SYNE1: variants seen among roughly 807,000 people sequenced by gnomAD.
SYNE1 encodes nesprin-1.
SYNE1 carries 616 observed loss-of-function variants against 1,111.0 expected under a neutral mutation model. The observed-to-expected ratio is 0.55, with a 90% CI of 0.52 to 0.59. The LOEUF (loss-of-function observed/expected upper bound fraction) is 0.59. SYNE1 is among the 20% of genes least tolerant of loss of function. The pLI is 0.00. For missense variants in SYNE1, 10,006 were observed against 10,417.0 expected, an observed-to-expected ratio of 0.96 and a Z score of 1.72; for synonymous variants, 3,855 against 3,825.8, an observed-to-expected ratio of 1.01 and a Z score of -0.28.
chr6:152,387,266 C>T lies in SYNE1; in HGVS notation c.8293G>A (p.Gly2765Ser), dbSNP rs889695296. The change falls in exon 54 of 146, where the codon GGT becomes AGT. Residue 2765 changes from glycine to serine, a missense_variant. Transcript: ENST00000367255. ...AGCAGGACGAACTTCTCTTTCAGAC[C>T]TGGCTGTGGTTGTAAGGGATGTTCT... Reference protein sequence around the residue: ...KIEHPLQPQPGLKEKFVLLDH... With the variant: ...KIEHPLQPQPSLKEKFVLLDH... 6.2e-7 allele frequency: 1 copy of T among 1,614,026 alleles called. No individual in the cohort carries two copies. Among genetic ancestry groups the T allele is most frequent in the African/African-American group, 1.3e-5 (1 of 74,914 alleles).
At position 152,293,704 on chromosome 6, in the gene SYNE1, G is replaced by C; in HGVS notation, c.17896C>G (p.Gln5966Glu). ...GACTGGAGGGAGTCCTGGTACTTCT[G>C]CTGGCGTTCCAAAGCTTCATAGAGT... ...RTLYEALERQ[Q>E]KYQDSLQSIS... is the part of the protein sequence containing the mutation. Residue 5966 changes from glutamine (Q) to glutamate (E), a missense_variant, in exon 95 of 146, where the codon CAG becomes GAG. Physicochemically the swap from Gln to Glu is conservative, Grantham distance 29 (BLOSUM62 2). This residue lies in a region of SYNE1 where 4,955 missense variants were observed against 5,017.2 expected (regional missense o/e 0.99). Coordinates refer to ENST00000367255, the MANE Select transcript of SYNE1 (RefSeq NM_182961.4). 1 of 1,614,094 alleles carries C rather than the reference G, an allele frequency of 6.2e-7. No individual in the cohort carries two copies.
intron 46 of SYNE1, among the ~76,000 whole-genome samples, chr6:152,403,151 T>C (rs2097847202): frequency 6.6e-6 from 1 of 151,978 alleles, no homozygotes; most frequent in African/African-American, 2.4e-5. Flanking sequence ...CAGCAACACA[T>C]ATGGAAGCTA....
chr6:152,406,494 AAAC>A (rs769124395), intron 45 of SYNE1, among the ~76,000 whole-genome samples: 1 of 145,294 alleles, frequency 6.9e-6, no homozygotes, highest in South Asian at 2.2e-4. Flanking sequence ...AAAAAAAAAA[AAAC>A]CCTTTTATTC....
chr6:152,212,329 T>C lies in SYNE1; in HGVS notation c.22495-741A>G, dbSNP rs917075164. Among the ~76,000 whole-genome samples the C allele has an allele frequency of 2.0e-5, 3 of 152,164 alleles. No homozygotes were observed. In the South Asian group the frequency reaches 6.2e-4, roughly 32 times the overall value. On this transcript the variant is annotated intron_variant, in intron 123 of 145. Transcript: ENST00000367255. Reference sequence around the variant, plus strand: ...AGCAACCACTCATCTATTTTATGTCTCTATGAATTACTTACTCTGGACATT... The same window carrying C: ...AGCAACCACTCATCTATTTTATGTCCCTATGAATTACTTACTCTGGACATT...
At chr6:152,203,276 C>T (rs987406566) in intron 126 of SYNE1, among the ~76,000 whole-genome samples, 1 of 152,138 alleles carries the variant, frequency 6.6e-6, no homozygotes, top group African/African-American at 2.4e-5. Context: ...TAAAAAATGA[C>T]AGGAACCACA....
intron 32 of SYNE1, among the ~76,000 whole-genome samples, chr6:152,437,012 A>C (rs1002553193): frequency 2.0e-5 from 3 of 152,022 alleles, no homozygotes; most frequent in African/African-American, 7.2e-5. Flanking sequence ...AGGGAAAAAA[A>C]AAAAAGTGAC....
At chr6:152,325,888 T>C in intron 80 of SYNE1, 70 bp downstream of exon 80, 1 of 1,567,584 alleles carries the variant, frequency 6.4e-7, no homozygotes, top group Non-Finnish European at 8.8e-7. Context: ...TGAAGATTTA[T>C]TGATCATGTT....
intron 97 of SYNE1, among the ~76,000 whole-genome samples, chr6:152,280,128 G>A (rs2153718837): frequency 6.6e-6 from 1 of 152,254 alleles, no homozygotes; most frequent in East Asian, 1.9e-4. Flanking sequence ...ACATCACGTG[G>A]TTCCAATTCT....
intron 3 of SYNE1, among the ~76,000 whole-genome samples, chr6:152,616,254 T>C (rs1471073010): frequency 6.6e-6 from 1 of 152,036 alleles, no homozygotes; most frequent in African/African-American, 2.4e-5. Flanking sequence ...AAGTAAGCCG[T>C]AGACAGGTTG....
rs191957960 is a variant in SYNE1, at chr6:152,349,062, T to A, written c.11901+1106A>T. 5.3e-4 allele frequency among the ~76,000 whole-genome samples: 80 copies of A among 152,350 alleles called. 2 individuals carry two copies. The highest frequency in any genetic ancestry group is 1.8e-3 in the African/African-American group (76 of 41,586). The stretch of plus-strand genomic sequence containing the variant: ...TATTCATATTTGTTAAATAAAATCC[T>A]TTCTTATAGACAGAAATGTTGCAGC... On this transcript the variant is annotated intron_variant, in intron 72 of 145. Coordinates refer to ENST00000367255, the MANE Select transcript of SYNE1 (RefSeq NM_182961.4).
intron 3 of SYNE1, among the ~76,000 whole-genome samples, chr6:152,549,898 C>T (rs2099331257): frequency 6.6e-6 from 1 of 152,062 alleles, no homozygotes; most frequent in Non-Finnish European, 1.5e-5. Context: ...GTTATATTTG[C>T]AAAATGTAGT....
At position 152,149,497 on chromosome 6, in the gene SYNE1, T is replaced by C. The variant is rs780762572; in HGVS notation, c.24622A>G (p.Lys8208Glu). Residue 8208 changes from lysine (K) to glutamate (E), a missense_variant, in exon 136 of 146, where the codon AAG (lysine) becomes GAG (glutamate). Lys to Glu is a moderately conservative substitution (Grantham distance 56). This residue lies in a region of SYNE1 where 761 missense variants were observed against 795.5 expected (regional missense o/e 0.96). Transcript: ENST00000367255. ...EVFGRVERYH[K>E]KLIRLPLPDD... ...CATACAGGCAGGCGGATCAGTTTCT[T>C]ATGGTATCTTTCCACACGCCCGAAG... The C allele has an allele frequency of 6.8e-6, 11 of 1,614,196 alleles. No individual in the cohort carries two copies. The East Asian group carries it at 2.2e-4, about 33-fold the overall frequency.
At chr6:152,421,464 G>A (rs927711844) in intron 39 of SYNE1, among the ~76,000 whole-genome samples, 2 of 152,086 alleles carry the variant, frequency 1.3e-5, no homozygotes, top group Middle Eastern at 3.4e-3. Context: ...TGATCCTACT[G>A]TGATTTGTCT....
chr6:152,442,140 G>A lies in SYNE1; in HGVS notation c.3943C>T (p.Arg1315Trp), dbSNP rs747574901. Residue 1315 changes from arginine (R) to tryptophan (W), a missense_variant, in exon 31 of 146, where the codon CGG (arginine) becomes TGG (tryptophan). Coordinates refer to ENST00000367255, the MANE Select transcript of SYNE1 (RefSeq NM_182961.4). ...CCATCCAGTGTGCTCTCCAGCTTCC[G>A]CAGCTCCTCGTGGCCTCGGTCAGGC... ...GLPDRGHEEL[R>W]KLESTLDGLE... is the part of the protein sequence containing the mutation. The A allele has an allele frequency of 1.1e-5, 17 of 1,613,760 alleles. No homozygotes were observed. In the East Asian group the frequency reaches 2.2e-4, roughly 21 times the overall value.
At chr6:152,239,439 G>A (rs1454088994) in intron 108 of SYNE1, 94 bp downstream of exon 108, 2 of 1,507,134 alleles carry the variant, frequency 1.3e-6, no homozygotes, top group East Asian at 2.3e-5. Flanking sequence ...GAGGTTATGT[G>A]AGGCAAACTG....
At chr6:152,210,535 C>A (rs2077335189) in intron 124 of SYNE1, among the ~76,000 whole-genome samples, 2 of 152,094 alleles carry the variant, frequency 1.3e-5, no homozygotes. Flanking sequence ...CTTTTATGTA[C>A]TTCCAAAGAA....
At position 152,541,352 on chromosome 6, in the gene SYNE1, G is replaced by A. The variant is rs141069583; in HGVS notation, c.68-1331C>T. Among the ~76,000 whole-genome samples, 828 of 152,202 alleles carry A rather than the reference G, an allele frequency of 5.4e-3. 10 individuals are homozygous for A. The highest frequency in any genetic ancestry group is 0.019 in the African/African-American group (777 of 41,528). On this transcript the variant is annotated intron_variant, in intron 3 of 145. Transcript: ENST00000367255. The stretch of plus-strand genomic sequence containing the variant: ...TAGAGATAGATCTTTCACCTCTTTA[G>A]TTAGATGTATTCCAAGGTATTTTAT...
chr6:152,495,752 T>A lies in SYNE1; in HGVS notation c.939+2990A>T, dbSNP rs113281213. Among the ~76,000 whole-genome samples, 22 of 152,280 alleles carry A rather than the reference T, an allele frequency of 1.4e-4. 1 individual carries two copies. Among genetic ancestry groups the A allele is most frequent in the African/African-American group, 5.1e-4 (21 of 41,552 alleles). Reference sequence around the variant, plus strand: ...ATTGAAATTAGTTTAGCCTGTGCGGTCTAACCCTAGCCAATAGGGGAAGGA... The same window carrying A: ...ATTGAAATTAGTTTAGCCTGTGCGGACTAACCCTAGCCAATAGGGGAAGGA... On this transcript the variant is annotated intron_variant, in intron 11 of 145. Transcript: ENST00000367255.
Position 152,149,491 on chromosome 6 carries a change from G to A in SYNE1, c.24628C>T (p.Leu8210=). 6.2e-7 allele frequency: 1 copy of A among 1,614,184 alleles called. No homozygotes were observed. The highest frequency in any genetic ancestry group is 8.5e-7 in the Non-Finnish European group (1 of 1,180,036). The part of the protein sequence containing the change: ...FGRVERYHKK[L]IRLPLPDDEH... ...ATGTTACATACAGGCAGGCGGATCA[G>A]TTTCTTATGGTATCTTTCCACACGC... The change falls in exon 136 of 146, where the codon CTG becomes TTG. Residue 8210 remains leucine, a synonymous_variant. Transcript: ENST00000367255.
Sources: gnomAD v4.1 joint callset for allele counts (sites outside exome capture counted in the v4.1 genomes callset) on GRCh38, gnomAD v4.1.1 for gene constraint, gnomAD v4.1.1 regional missense constraint, MANE v1.5 for transcripts, NCBI Gene and HGNC (gene_info 2026-07-23, HGNC 2026-07-21) for gene names.